The following CLOCK variants were observed in gnomAD, a reference collection of about 807,000 sequenced individuals.
CLOCK encodes clock circadian regulator.
Under a neutral mutation model 118.4 loss-of-function variants are expected in CLOCK, and 43 were observed. The ratio of observed to expected loss-of-function variants is 0.36; its 90% confidence interval spans 0.28 to 0.47. The LOEUF (loss-of-function observed/expected upper bound fraction) is 0.47, where lower values mean the gene tolerates loss of function less well. Among genes scored for constraint, CLOCK ranks in the 20% least tolerant of loss-of-function variants. The pLI is 1.00. For synonymous variants in CLOCK, 326 were observed against 339.2 expected (o/e 0.96, Z 0.43); for missense variants, 846 against 999.9 (o/e 0.85, Z 2.08).
intron 18 of CLOCK, among the ~76,000 whole-genome samples, chr4:55,447,020 ACCT>A (rs1449799353): frequency 2.0e-5 from 3 of 151,842 alleles, no homozygotes; most frequent in Non-Finnish European, 4.4e-5. Context: ...AAAATTTAGT[ACCT>A]CAACTCCCTC....
chr4:55,475,635 G>A (rs933183354), intron 7 of CLOCK, among the ~76,000 whole-genome samples: 1 of 152,154 alleles, frequency 6.6e-6, no homozygotes, highest in East Asian at 1.9e-4. Context: ...ACCCTAATCA[G>A]TTAGTAGCCA....
chr4:55,448,588 G>A (rs556586602), intron 18 of CLOCK, among the ~76,000 whole-genome samples, 191 bp downstream of exon 18: 51 of 80,138 alleles, frequency 6.4e-4, no homozygotes, highest in African/African-American at 1.3e-3. Flanking sequence ...ATATGTGCGC[G>A]CGCGCACGCG....
At chr4:55,487,746 G>A (rs1727391323) in intron 3 of CLOCK, among the ~76,000 whole-genome samples, 1 of 152,140 alleles carries the variant, frequency 6.6e-6, no homozygotes, top group African/African-American at 2.4e-5. Context: ...TCCAGAAATA[G>A]TTTTCAATTC....
At chr4:55,544,837 C>CTTTATATAAAGAAATTATATG (rs1306798030) in intron 1 of CLOCK, among the ~76,000 whole-genome samples, 2 of 152,152 alleles carry the variant, frequency 1.3e-5, no homozygotes, top group African/African-American at 4.8e-5. Context: ...CCCATAATTT[C>CTTTATATAAAGAAATTATATG]TTTATATAAA....
chr4:55,508,200 G>A (rs777119381), intron 2 of CLOCK, among the ~76,000 whole-genome samples: 4 of 152,154 alleles, frequency 2.6e-5, no homozygotes, highest in African/African-American at 7.2e-5. Flanking sequence ...TTGTTTCATT[G>A]AGTCAGTCAT....
At chr4:55,488,761 G>T (rs1176368581) in intron 3 of CLOCK, among the ~76,000 whole-genome samples, 1 of 152,064 alleles carries the variant, frequency 6.6e-6, no homozygotes, top group Non-Finnish European at 1.5e-5. Flanking sequence ...CGTAAGACAA[G>T]GTCTCACTCT....
chr4:55,520,433 T>C (rs1443270664), intron 1 of CLOCK, among the ~76,000 whole-genome samples: 1 of 152,206 alleles, frequency 6.6e-6, no homozygotes, highest in African/African-American at 2.4e-5. Flanking sequence ...GCAGATGAAC[T>C]GGTGAAAATT....
At chr4:55,528,592 T>C (rs990674031) in intron 1 of CLOCK, among the ~76,000 whole-genome samples, 9 of 152,094 alleles carry the variant, frequency 5.9e-5, no homozygotes, top group Non-Finnish European at 1.3e-4. Flanking sequence ...GTGTTTACAA[T>C]AGATTTCTGG....
intron 2 of CLOCK, among the ~76,000 whole-genome samples, chr4:55,492,363 A>AAAAAAAC (rs1320207894): frequency 6.6e-6 from 1 of 151,828 alleles, no homozygotes; most frequent in South Asian, 2.1e-4. Flanking sequence ...ATGATAAAAA[A>AAAAAAAC]AAAAAACGCC....
At chr4:55,517,162 G>T (rs1327705978) in intron 1 of CLOCK, among the ~76,000 whole-genome samples, 2 of 152,166 alleles carry the variant, frequency 1.3e-5, no homozygotes, top group Non-Finnish European at 1.5e-5. Context: ...ACTGATTTTT[G>T]AATATTTAAC....
At chr4:55,456,322 T>G in intron 11 of CLOCK, 22 bp from the exon 12 acceptor site, 1 of 1,398,396 alleles carries the variant, frequency 7.2e-7, no homozygotes, top group Non-Finnish European at 1.0e-6. Context: ...TAATTAAAAT[T>G]TATAAATACT....
At chr4:55,498,418 C>T (rs1380770242) in intron 2 of CLOCK, among the ~76,000 whole-genome samples, 1 of 151,994 alleles carries the variant, frequency 6.6e-6, no homozygotes, top group Non-Finnish European at 1.5e-5. Context: ...AAAAAAACTA[C>T]CATAAAGCAT....
intron 1 of CLOCK, among the ~76,000 whole-genome samples, chr4:55,532,340 A>T (rs574883685): frequency 1.3e-5 from 2 of 152,306 alleles, no homozygotes; most frequent in African/African-American, 4.8e-5. Flanking sequence ...AAGAAGAATA[A>T]ATAGAAGGCA....
Position 55,429,372 on chromosome 4 carries a change from A to G in CLOCK, c.*6043T>C, listed in dbSNP as rs1051271760. ...ACTCCATAGCTTCTCTGAGTCCTAA[A>G]GTGGAGGATTCTGTTCCAATGCTTG... On this transcript the variant is annotated 3_prime_UTR_variant, in exon 23 of 23. Coordinates refer to ENST00000513440, the MANE Select transcript of CLOCK (RefSeq NM_004898.4). The G allele has an allele frequency of 6.6e-6, 1 of 152,200 alleles. No homozygotes were observed. Among genetic ancestry groups the G allele is most frequent in the Non-Finnish European group, 1.5e-5 (1 of 68,040 alleles). 9.4% of individuals were successfully genotyped at this position (152,200 alleles called of 1,614,324 possible). A position where few individuals can be genotyped will look rare whatever the true frequency, so the allele number is the denominator to read the frequency against.
rs532531445 is a variant in CLOCK at position 55,446,943 on chromosome 4, A to G, written c.1539+1836T>C. Among the ~76,000 whole-genome samples the G allele has an allele frequency of 1.8e-3, 279 of 152,304 alleles. 1 individual carries two copies. Among genetic ancestry groups the G allele is most frequent in the African/African-American group, 6.5e-3 (271 of 41,576 alleles). On this transcript the variant is annotated intron_variant, in intron 18 of 22. Coordinates refer to ENST00000513440, the MANE Select transcript of CLOCK (RefSeq NM_004898.4). ...ACTAAATTACATTTCAGGGCACACA[A>G]CTTTGATTTCAGAAATTAACAATAA...
chr4:55,526,811 G>C (rs922532431), intron 1 of CLOCK, among the ~76,000 whole-genome samples: 4 of 152,016 alleles, frequency 2.6e-5, no homozygotes, highest in Non-Finnish European at 4.4e-5. Flanking sequence ...GCCGGGCAAA[G>C]TGGCAGGCAC....
intron 1 of CLOCK, among the ~76,000 whole-genome samples, chr4:55,512,751 GGTCT>G (rs1729246234): frequency 6.6e-6 from 1 of 152,060 alleles, no homozygotes. Flanking sequence ...AAGGGTATAA[GGTCT>G]GTCGAGATTC....
intron 4 of CLOCK, 43 bp downstream of exon 4, chr4:55,482,695 TA>T (rs1323768047): frequency 7.4e-7 from 1 of 1,346,776 alleles, no homozygotes; most frequent in Non-Finnish European, 1.0e-6. Flanking sequence ...TAGTGCATTT[TA>T]AAATAATTAT....
At chr4:55,452,652 A>C (rs1473222628) in intron 15 of CLOCK, 1 of 186,546 alleles carries the variant, frequency 5.4e-6, no homozygotes, top group Non-Finnish European at 1.1e-5. Context: ...TCCAATTCTG[A>C]CTATAATTTC....
Sources: allele counts gnomAD v4.1 joint callset (sites outside exome capture counted in the v4.1 genomes callset), GRCh38; gene constraint gnomAD v4.1.1; transcripts MANE v1.5; gene names NCBI Gene and HGNC (gene_info 2026-07-23, HGNC 2026-07-21).